SCN8A: variants seen among roughly 807,000 people sequenced by gnomAD.
The protein encoded by SCN8A is sodium channel protein type 8 subunit alpha.
A neutral mutation model predicts 184.1 loss-of-function variants in SCN8A; 30 were observed. That is an observed-to-expected ratio of 0.16 (90% CI 0.12 to 0.22). The LOEUF is 0.22. Ranked by LOEUF, SCN8A falls within the 10% of genes least tolerant of loss-of-function variation. SCN8A has a pLI of 1.00. For missense variants in SCN8A, 1,057 were observed against 2,498.9 expected (o/e 0.42, Z 12.30); for synonymous variants, 852 against 907.0 (o/e 0.94, Z 1.09).
intron 11 of SCN8A, chr12:51,712,425 C>G: frequency 2.6e-6 from 2 of 761,584 alleles, no homozygotes; most frequent in South Asian, 2.7e-5. Flanking sequence ...TCCTCGCGCT[C>G]TCTCCTGCTG....
intron 12 of SCN8A, among the ~76,000 whole-genome samples, chr12:51,740,241 A>G (rs1386750933): frequency 6.6e-6 from 1 of 152,196 alleles, no homozygotes; most frequent in Non-Finnish European, 1.5e-5. Context: ...GGGCCAGTTT[A>G]TGGCCAGATT....
At chr12:51,710,886 A>G (rs917651408) in intron 11 of SCN8A, among the ~76,000 whole-genome samples, 2 of 152,152 alleles carry the variant, frequency 1.3e-5, no homozygotes, top group Non-Finnish European at 2.9e-5. Flanking sequence ...AGTACTCTAC[A>G]TATACTCTGT....
chr12:51,610,900 T>C (rs1451176590), intron 1 of SCN8A, among the ~76,000 whole-genome samples: 1 of 152,264 alleles, frequency 6.6e-6, no homozygotes, highest in Non-Finnish European at 1.5e-5. Context: ...ATTGTGACTT[T>C]TCCATCTTTG....
intron 1 of SCN8A, among the ~76,000 whole-genome samples, chr12:51,616,347 G>T (rs1939835908): frequency 6.6e-6 from 1 of 151,986 alleles, no homozygotes; most frequent in Admixed American, 6.6e-5. Context: ...GTGTTTCACT[G>T]GGCTAGGCCA....
intron 2 of SCN8A, among the ~76,000 whole-genome samples, chr12:51,668,315 C>T (rs574157787): frequency 1.1e-4 from 17 of 152,192 alleles, no homozygotes; most frequent in Non-Finnish European, 2.2e-4. Context: ...TAGCCTTAGA[C>T]ATCATCTAGT....
chr12:51,763,774 A>G (rs1942797243), intron 15 of SCN8A, among the ~76,000 whole-genome samples: 2 of 152,364 alleles, frequency 1.3e-5, no homozygotes, highest in South Asian at 4.1e-4. Context: ...GACAAAGGTC[A>G]CTACTGCTTC....
chr12:51,717,994 A>G (rs538416814), intron 11 of SCN8A, among the ~76,000 whole-genome samples: 1 of 152,380 alleles, frequency 6.6e-6, no homozygotes, highest in East Asian at 1.9e-4. Context: ...CGTGAAAGAT[A>G]CAGGTGAGAG....
chr12:51,722,050 C>T, intron 12 of SCN8A, 142 bp downstream of exon 12: 1 of 1,294,080 alleles, frequency 7.7e-7, no homozygotes, highest in South Asian at 1.3e-5. Context: ...GGACCCCACT[C>T]CTGTTAACAC....
At chr12:51,707,777 C>T (rs1306642539) in intron 11 of SCN8A, among the ~76,000 whole-genome samples, 7 of 152,216 alleles carry the variant, frequency 4.6e-5, no homozygotes, top group African/African-American at 1.7e-4. Context: ...ACTCATTGTA[C>T]TAACGTGCAT....
chr12:51,770,284 C>A, intron 18 of SCN8A: 1 of 591,224 alleles, frequency 1.7e-6, no homozygotes, highest in South Asian at 2.3e-5. Flanking sequence ...ACCCTTTTCT[C>A]CTCCCTCTCA....
chr12:51,595,208 A>G (rs552489060), intron 1 of SCN8A, among the ~76,000 whole-genome samples: 5 of 152,348 alleles, frequency 3.3e-5, no homozygotes, highest in African/African-American at 1.2e-4. Context: ...AACTGTGGCT[A>G]TTAAGGTGTC....
At chr12:51,682,944 A>G (rs1240238742) in intron 2 of SCN8A, among the ~76,000 whole-genome samples, 1 of 152,006 alleles carries the variant, frequency 6.6e-6, no homozygotes, top group East Asian at 1.9e-4. Flanking sequence ...TTGTTCCCTT[A>G]CCTTTCCATC....
At position 51,705,299 on chromosome 12, in the gene SCN8A, G is replaced by A. The variant is rs928036811; in HGVS notation, c.1135-118G>A. ...CACAATAGGAAGGAGTACTGCACAA[G>A]GAAACAGTCCTGTACAAAATGCAAA... On this transcript the variant is annotated intron_variant, in intron 9 of 26. Transcript: ENST00000627620. 1.8e-5 allele frequency: 15 copies of A among 852,612 alleles called. No homozygotes were observed. The African/African-American group carries it at 2.2e-4, about 13-fold the overall frequency. 52.8% of individuals were successfully genotyped at this position (852,612 alleles called of 1,614,324 possible).
chr12:51,682,270 A>G (rs1277320428), intron 2 of SCN8A, among the ~76,000 whole-genome samples: 1 of 152,194 alleles, frequency 6.6e-6, no homozygotes, highest in African/African-American at 2.4e-5. Context: ...TATATTCATA[A>G]GGGATGTTAG....
chr12:51,721,106 TA>T (rs1555221405), intron 11 of SCN8A, among the ~76,000 whole-genome samples: 4,880 of 105,018 alleles, frequency 0.046, 120 homozygotes, highest in Non-Finnish European at 0.054. Flanking sequence ...TATATATATA[TA>T]ATATTTATTT....
chr12:51,724,186 C>T (rs900107587), intron 12 of SCN8A, among the ~76,000 whole-genome samples: 1 of 152,148 alleles, frequency 6.6e-6, no homozygotes, highest in Non-Finnish European at 1.5e-5. Flanking sequence ...TGGCTCATGC[C>T]TATAATCCCA....
intron 12 of SCN8A, 41 bp downstream of exon 12, chr12:51,721,949 A>G (rs754981376): frequency 6.3e-7 from 1 of 1,599,358 alleles, no homozygotes. Context: ...AGTGTAAGGA[A>G]GAACACAAAT....
intron 1 of SCN8A, among the ~76,000 whole-genome samples, chr12:51,623,208 T>C (rs1255985390): frequency 1.3e-5 from 2 of 152,228 alleles, no homozygotes; most frequent in Non-Finnish European, 2.9e-5. Flanking sequence ...TGCATGCTGC[T>C]AGTAGGCCCT....
At position 51,786,398 on chromosome 12, in the gene SCN8A, G is replaced by A. The variant is rs1361520431; in HGVS notation, c.3943-144G>A. On this transcript the variant is annotated intron_variant, in intron 21 of 26. Transcript: ENST00000627620. ...TAGAAATTTTTGGTCCTACTTGTCA[G>A]TCTGTCCAGTTACTCTAATTCCAAA... 4 of 935,608 alleles carry A rather than the reference G, an allele frequency of 4.3e-6. No homozygotes were observed. In the East Asian group the frequency reaches 1.1e-4, roughly 25 times the overall value. 58.0% of individuals were successfully genotyped at this position (935,608 alleles called of 1,614,324 possible).
Sources: allele counts gnomAD v4.1 joint callset (sites outside exome capture counted in the v4.1 genomes callset), GRCh38; gene constraint gnomAD v4.1.1; transcripts MANE v1.5; gene names NCBI Gene and HGNC (gene_info 2026-07-23, HGNC 2026-07-21).